Variants in ARHGEF4 observed in about 807,000 individuals in gnomAD.
The protein encoded by ARHGEF4 is Rho guanine nucleotide exchange factor 4.
In ARHGEF4, 119 loss-of-function variants were observed where a neutral mutation model predicts 162.0. The observed-to-expected ratio is 0.73, with a 90% CI of 0.63 to 0.86. The LOEUF (loss-of-function observed/expected upper bound fraction) is 0.86, where lower values mean the gene tolerates loss of function less well. Ranked by LOEUF, ARHGEF4 falls within the 40% of genes least tolerant of loss-of-function variation. The pLI, the probability that ARHGEF4 is intolerant of heterozygous loss-of-function variation, is 0.00. For missense variants in ARHGEF4, 2,488 were observed against 2,456.0 expected (o/e 1.01, Z -0.28); for synonymous variants, 1,014 against 979.9 (o/e 1.03, Z -0.65).
chr2:131,005,045 GC>G (rs1349125969), intron 4 of ARHGEF4, among the ~76,000 whole-genome samples: 1 of 152,204 alleles, frequency 6.6e-6, no homozygotes. Context: ...AGCAAAGGGG[GC>G]CCTGGGTGGC....
intron 5 of ARHGEF4, among the ~76,000 whole-genome samples, chr2:131,034,135 A>G (rs1349955066): frequency 6.6e-6 from 1 of 152,104 alleles, no homozygotes; most frequent in Non-Finnish European, 1.5e-5. Flanking sequence ...TCCCATGGGA[A>G]CACCCAGTCT....
intron 1 of ARHGEF4, among the ~76,000 whole-genome samples, chr2:130,868,460 T>A (rs965025822): frequency 4.5e-5 from 1 of 22,456 alleles, no homozygotes; most frequent in African/African-American, 1.7e-4. Flanking sequence ...TGTGGGAGGG[T>A]GGGGTGGGGC....
At chr2:130,886,800 T>A (rs553944402) in intron 1 of ARHGEF4, among the ~76,000 whole-genome samples, 1 of 152,172 alleles carries the variant, frequency 6.6e-6, no homozygotes, top group South Asian at 2.1e-4. Context: ...GTTGTTGAAG[T>A]AGTCACAATT....
chr2:130,906,785 C>G (rs1680837750), intron 1 of ARHGEF4, among the ~76,000 whole-genome samples: 1 of 152,170 alleles, frequency 6.6e-6, no homozygotes, highest in Non-Finnish European at 1.5e-5. Context: ...ATTTCCTACC[C>G]CTGTCAGCAT....
intron 1 of ARHGEF4, among the ~76,000 whole-genome samples, chr2:130,852,882 C>T (rs886532782): frequency 2.0e-5 from 3 of 152,184 alleles, no homozygotes; most frequent in Non-Finnish European, 4.4e-5. Context: ...AAGGGCTGAG[C>T]GACACAAGGG....
At chr2:131,034,615 C>T (rs921863862) in intron 5 of ARHGEF4, among the ~76,000 whole-genome samples, 2 of 152,198 alleles carry the variant, frequency 1.3e-5, no homozygotes, top group African/African-American at 4.8e-5. Flanking sequence ...TGGGGGCCTG[C>T]GGCCAGTCCT....
intron 10 of ARHGEF4, 112 bp downstream of exon 10, chr2:131,042,056 G>C (rs988609103): frequency 2.1e-5 from 30 of 1,414,442 alleles, no homozygotes; most frequent in Non-Finnish European, 2.6e-5. Context: ...TGCGCTCCTG[G>C]GAGCTAGCAA....
At chr2:131,043,081 T>G (rs1346762473) in intron 10 of ARHGEF4, among the ~76,000 whole-genome samples, 1 of 151,922 alleles carries the variant, frequency 6.6e-6, no homozygotes. Context: ...AATGTTTCAT[T>G]TAACTCCAAA....
chr2:131,017,730 G>T (rs115214719), intron 4 of ARHGEF4, among the ~76,000 whole-genome samples: 1 of 152,098 alleles, frequency 6.6e-6, no homozygotes, highest in African/African-American at 2.4e-5. Context: ...TGCTATTCAC[G>T]GATCAAATTA....
intron 1 of ARHGEF4, among the ~76,000 whole-genome samples, chr2:130,846,124 G>C (rs1016071197): frequency 2.6e-5 from 4 of 152,226 alleles, no homozygotes; most frequent in African/African-American, 9.6e-5. Context: ...CTGTTGCCCA[G>C]GTCCTTCTCT....
At chr2:130,855,452 A>G (rs1681713098) in intron 1 of ARHGEF4, among the ~76,000 whole-genome samples, 1 of 152,232 alleles carries the variant, frequency 6.6e-6, no homozygotes, top group East Asian at 1.9e-4. Context: ...GGTGGAGTCC[A>G]GGAGAGACCA....
chr2:130,890,600 G>A (rs1239051461), intron 1 of ARHGEF4, among the ~76,000 whole-genome samples: 1 of 151,480 alleles, frequency 6.6e-6, no homozygotes, highest in Non-Finnish European at 1.5e-5. Context: ...CCTCTCTGTG[G>A]TATATTTTGT....
At chr2:131,039,866 G>A (rs1690626837) in intron 6 of ARHGEF4, 150 bp from the exon 7 acceptor site, 1 of 1,428,812 alleles carries the variant, frequency 7.0e-7, no homozygotes, top group East Asian at 2.6e-5. Context: ...CGTGGGTGGC[G>A]TGGTGGGGGG....
Position 130,922,762 on chromosome 2 carries a change from AT to A in ARHGEF4, c.3552+5275del, listed in dbSNP as rs11370112. The stretch of plus-strand genomic sequence containing the variant: ...AATTTAAAGGGCTCACATTCCTCAG[AT>A]TTTTTTTTTTCACTCTCTTGTGGGA... On this transcript the variant is annotated intron_variant, in intron 2 of 13. Transcript: ENST00000409359. Among the ~76,000 whole-genome samples the A allele has an allele frequency of 8.7e-3, 1,290 of 147,948 alleles. 24 individuals are homozygous for A. Among genetic ancestry groups the A allele is most frequent in the African/African-American group, 0.03 (1,198 of 40,258 alleles).
chr2:130,989,320 A>T (rs1224772072), intron 4 of ARHGEF4, among the ~76,000 whole-genome samples: 1 of 152,248 alleles, frequency 6.6e-6, no homozygotes, highest in East Asian at 1.9e-4. Context: ...CAAAGTGTAT[A>T]TAAATTTGAA....
At chr2:131,012,436 G>C (rs529477108) in intron 4 of ARHGEF4, among the ~76,000 whole-genome samples, 5 of 152,156 alleles carry the variant, frequency 3.3e-5, no homozygotes, top group Admixed American at 1.3e-4. Context: ...AAAAGTGAAC[G>C]CAAGCCTGGC....
Position 130,916,507 on chromosome 2 carries a change from G to C in ARHGEF4, c.2561G>C (p.Ser854Thr), listed in dbSNP as rs1219619108. Residue 854 changes from serine to threonine, a missense_variant, in exon 2 of 14, where the codon AGC becomes ACC. Ser to Thr is a moderately conservative substitution (Grantham distance 58). Transcript: ENST00000409359. ...CCGCCTCTGCACCACGGGGACGCCAGCGCCTGGCCCGAGTTTGTCCCGCAG... is the reference window on the plus strand; with the variant it reads ...CCGCCTCTGCACCACGGGGACGCCACCGCCTGGCCCGAGTTTGTCCCGCAG... ...DAPPLHHGDA[S>T]AWPEFVPQAA... The C allele has an allele frequency of 6.5e-7, 1 of 1,548,666 alleles. No individual in the cohort carries two copies. Among genetic ancestry groups the C allele is most frequent in the Admixed American group, 2.0e-5 (1 of 50,988 alleles).
chr2:131,024,661 G>A (rs952240598), intron 4 of ARHGEF4, among the ~76,000 whole-genome samples: 5 of 152,164 alleles, frequency 3.3e-5, no homozygotes, highest in African/African-American at 4.8e-5. Flanking sequence ...GATGTGTATC[G>A]TGGTTATGTT....
At position 130,914,818 on chromosome 2, in the gene ARHGEF4, A is replaced by G. The variant is rs1482764312; in HGVS notation, c.872A>G (p.Asp291Gly). 3.4e-6 allele frequency: 5 copies of G among 1,452,844 alleles called. No homozygotes were observed. In the Admixed American group the frequency reaches 1.4e-4, roughly 40 times the overall value. 90.0% of individuals were successfully genotyped at this position (1,452,844 alleles called of 1,614,324 possible). Residue 291 changes from aspartate (D) to glycine (G), a missense_variant, in exon 2 of 14, where the codon GAT becomes GGT. Asp to Gly is a moderately conservative substitution (Grantham distance 94). Around this residue, in one of 6 missense-constraint regions of ARHGEF4, gnomAD observed 1,642 missense variants for 1,481.5 expected, o/e 1.11. Coordinates refer to ENST00000409359, the MANE Select transcript of ARHGEF4 (RefSeq NM_001367493.1). ...TTGCTCTGGTCCCAGCCCCACTCGG[A>G]TGTCCCCTGCCAGCCTCCTTTGAGG... Reference protein sequence around the residue: ...TELLWSQPHSDVPCQPPLRTS... With the variant: ...TELLWSQPHSGVPCQPPLRTS...
Sources: gnomAD v4.1 joint callset for allele counts (sites outside exome capture counted in the v4.1 genomes callset) on GRCh38, gnomAD v4.1.1 for gene constraint, gnomAD v4.1.1 regional missense constraint, MANE v1.5 for transcripts, NCBI Gene and HGNC (gene_info 2026-07-23, HGNC 2026-07-21) for gene names.